Variants in MYO3A observed in about 807,000 individuals in gnomAD.
MYO3A encodes the protein myosin-IIIa.
Under a neutral mutation model 192.7 loss-of-function variants are expected in MYO3A, and 180 were observed. The ratio of observed to expected loss-of-function variants is 0.93; its 90% CI spans 0.83 to 1.06. The LOEUF (loss-of-function observed/expected upper bound fraction) is 1.06, where lower values mean the gene tolerates loss of function less well. MYO3A is among the 50% of genes least tolerant of loss of function. The probability of loss-of-function intolerance (pLI) is 0.00; values close to 1 mark genes in which losing one functional copy is unlikely to be tolerated. For missense variants in MYO3A, 1,896 were observed against 1,905.0 expected, an observed-to-expected ratio of 1.00 and a Z score of 0.09; for synonymous variants, 628 against 645.3, an observed-to-expected ratio of 0.97 and a Z score of 0.41.
At chr10:26,176,293 C>CA (rs901523063) in intron 30 of MYO3A, among the ~76,000 whole-genome samples, 4,646 of 93,170 alleles carry the variant, frequency 0.05, 101 homozygotes, top group African/African-American at 0.098. Context: ...GACTCCGTCT[C>CA]AAAAAAAAAA....
Position 26,145,179 on chromosome 10 carries a change from CAAAAAAA to C in MYO3A, c.2417-254_2417-248del, listed in dbSNP as rs10715590. Among the ~76,000 whole-genome samples the C allele has an allele frequency of 0.15, 14,220 of 94,448 alleles. 755 individuals carry two copies. Among genetic ancestry groups the C allele is most frequent in the Non-Finnish European group, 0.18 (8,016 of 44,796 alleles). 62.0% of individuals were successfully genotyped at this position (94,448 alleles called of 152,430 possible). A position where few individuals can be genotyped will look rare whatever the true frequency, so the allele number is the denominator to read the frequency against. Reference sequence around the variant, plus strand: ...GGGCAACAAGAACGAAACTCTGTCTCAAAAAAAAAAAAAAAAAAACCCTCAAGGTGAC... The same window carrying C: ...GGGCAACAAGAACGAAACTCTGTCTCAAAAAAAAAAAACCCTCAAGGTGAC... On this transcript the variant is annotated intron_variant, in intron 21 of 34. Coordinates refer to ENST00000642920, the MANE Select transcript of MYO3A (RefSeq NM_017433.5).
intron 1 of MYO3A, among the ~76,000 whole-genome samples, chr10:25,934,945 G>T (rs1040788553): frequency 1.3e-5 from 2 of 152,064 alleles, no homozygotes; most frequent in African/African-American, 4.8e-5. Flanking sequence ...AACGAGGGGC[G>T]AGAACTGAGG....
At chr10:26,209,767 A>C (rs891629597) in intron 34 of MYO3A, among the ~76,000 whole-genome samples, 1 of 152,054 alleles carries the variant, frequency 6.6e-6, no homozygotes, top group African/African-American at 2.4e-5. Context: ...CTTTATCAAC[A>C]TGCACTCTCA....
intron 14 of MYO3A, among the ~76,000 whole-genome samples, chr10:26,077,807 T>C (rs535506654): frequency 2.4e-4 from 36 of 152,276 alleles, no homozygotes; most frequent in African/African-American, 8.7e-4. Context: ...ATTTATTGAC[T>C]TGTGTATGTG....
At chr10:25,960,954 A>C (rs1837893472) in intron 4 of MYO3A, among the ~76,000 whole-genome samples, 1 of 152,172 alleles carries the variant, frequency 6.6e-6, no homozygotes, top group African/African-American at 2.4e-5. Flanking sequence ...TACTCATCTA[A>C]GCTTAGTTAC....
intron 31 of MYO3A, among the ~76,000 whole-genome samples, chr10:26,177,450 C>T (rs1468657469): frequency 9.8e-5 from 15 of 152,298 alleles, no homozygotes; most frequent in Admixed American, 8.5e-4. Flanking sequence ...TTGGGACACT[C>T]ATGGCTCCAG....
At chr10:26,181,950 T>G (rs550617967) in intron 31 of MYO3A, among the ~76,000 whole-genome samples, 1 of 152,320 alleles carries the variant, frequency 6.6e-6, no homozygotes, top group East Asian at 1.9e-4. Flanking sequence ...ATATGGAATA[T>G]TAACAGCCCT....
At chr10:26,078,182 G>C (rs1835718471) in intron 14 of MYO3A, among the ~76,000 whole-genome samples, 1 of 145,326 alleles carries the variant, frequency 6.9e-6, no homozygotes, top group African/African-American at 2.5e-5. Flanking sequence ...CTTGCTGCTT[G>C]TTATTGGTCT....
Position 26,068,845 on chromosome 10 carries a change from T to C in MYO3A, c.1131T>C (p.Ala377=). The part of the protein sequence containing the change: ...IYVYVGDILI[A]LNPFQSLGLY... ...TCTATGTGGGAGACATACTCATTGC[T>C]CTTAACCCTTTTCAGAGTCTGGGTC... Residue 377 remains alanine, a synonymous_variant, in exon 12 of 35, where the codon GCT becomes GCC. Transcript: ENST00000642920. 1 of 1,598,916 alleles carries C rather than the reference T, an allele frequency of 6.3e-7. No individual in the cohort carries two copies. The highest frequency in any genetic ancestry group is 8.6e-7 in the Non-Finnish European group (1 of 1,166,286).
At chr10:26,014,964 CAAG>C (rs911071686) in intron 6 of MYO3A, among the ~76,000 whole-genome samples, 1 of 152,008 alleles carries the variant, frequency 6.6e-6, no homozygotes, top group Non-Finnish European at 1.5e-5. Flanking sequence ...TTCTTGACTA[CAAG>C]AATAAAGCCT....
chr10:26,033,398 G>A (rs11819744), intron 10 of MYO3A, among the ~76,000 whole-genome samples: 24,742 of 151,936 alleles, frequency 0.16, 2,308 homozygotes, highest in Non-Finnish European at 0.21. Context: ...CTTATTAATG[G>A]CACCACCACT....
rs373072963 is a variant in MYO3A at position 26,205,668 on chromosome 10, A to G, written c.4730+2561A>G. On this transcript the variant is annotated intron_variant, in intron 34 of 34. Transcript: ENST00000642920. ...GTCTGGCTCTGTCGCCCAGGCTGGA[A>G]TGCAGTGGCACGATCTCGGCTCACT... 3.7e-4 allele frequency among the ~76,000 whole-genome samples: 48 copies of G among 130,136 alleles called. 2 individuals are homozygous for G. In the South Asian group the frequency reaches 7.6e-3, roughly 21 times the overall value. The allele number at this position is 130,136 out of a possible 152,430, so 85.4% of individuals were successfully genotyped here. A position where few individuals can be genotyped will look rare whatever the true frequency, so the allele number is the denominator to read the frequency against.
At chr10:26,033,382 C>G (rs1742166369) in intron 10 of MYO3A, among the ~76,000 whole-genome samples, 1 of 152,052 alleles carries the variant, frequency 6.6e-6, no homozygotes, top group Admixed American at 6.6e-5. Context: ...CCCAGCTGTT[C>G]CCTTTCTTAT....
In MYO3A at chr10:26,125,380, C is replaced by T. The variant is rs750976312; in HGVS notation, c.1904-18C>T. On this transcript the variant is annotated intron_variant, in intron 18 of 34. Transcript: ENST00000642920. ...ATTGCCATAATTTCTTCTAACAATG[C>T]ATCTGTTTGTTTTTCAGGTGCTTCT... 29 of 1,612,724 alleles carry T rather than the reference C, an allele frequency of 1.8e-5. No homozygotes were observed. Among genetic ancestry groups the T allele is most frequent in the Non-Finnish European group, 2.1e-5 (25 of 1,178,974 alleles).
intron 4 of MYO3A, among the ~76,000 whole-genome samples, chr10:25,964,942 T>C (rs1010097675): frequency 1.3e-5 from 2 of 152,200 alleles, no homozygotes; most frequent in African/African-American, 2.4e-5. Context: ...TCCTGGCCCA[T>C]AAGGTTTCCA....
At chr10:25,984,674 C>A (rs1396752786) in intron 4 of MYO3A, among the ~76,000 whole-genome samples, 1 of 152,106 alleles carries the variant, frequency 6.6e-6, no homozygotes, top group Non-Finnish European at 1.5e-5. Flanking sequence ...AAACCAAAAA[C>A]CCTGGTGTTC....
intron 4 of MYO3A, among the ~76,000 whole-genome samples, chr10:25,990,653 C>A (rs1839961389): frequency 1.0e-5 from 1 of 99,494 alleles, no homozygotes; most frequent in Non-Finnish European, 1.9e-5. Flanking sequence ...TAAGGCTACC[C>A]CTCCCCCCTC....
chr10:26,009,794 A>G (rs1441939046), intron 6 of MYO3A, among the ~76,000 whole-genome samples: 7 of 152,242 alleles, frequency 4.6e-5, no homozygotes, highest in Non-Finnish European at 1.0e-4. Flanking sequence ...AGTATTTTGG[A>G]CTAGAACTAA....
intron 26 of MYO3A, among the ~76,000 whole-genome samples, chr10:26,161,975 AT>A (rs543612117): frequency 9.9e-4 from 151 of 152,298 alleles, no homozygotes; most frequent in African/African-American, 3.4e-3. Context: ...TCAAATCTTA[AT>A]TGAAAGATTC....
Sources: gnomAD v4.1 joint callset for allele counts (sites outside exome capture counted in the v4.1 genomes callset) on GRCh38, gnomAD v4.1.1 for gene constraint, MANE v1.5 for transcripts, NCBI Gene and HGNC (gene_info 2026-07-23, HGNC 2026-07-21) for gene names.